The following RASGRF1 variants were observed in gnomAD, a reference collection of about 807,000 sequenced individuals.
RASGRF1 encodes the protein ras-specific guanine nucleotide-releasing factor 1.
RASGRF1 carries 40 observed loss-of-function variants against 138.7 expected under a neutral mutation model. The ratio of observed to expected loss-of-function variants is 0.29; its 90% CI spans 0.22 to 0.38. The LOEUF is 0.38. RASGRF1 is among the 10% of genes least tolerant of loss of function. RASGRF1 has a pLI of 1.00. For synonymous variants in RASGRF1, 614 were observed against 663.2 expected (o/e 0.93, Z 1.14); for missense variants, 1,108 against 1,650.4 (o/e 0.67, Z 5.69).
intron 3 of RASGRF1, among the ~76,000 whole-genome samples, chr15:79,053,746 GA>G (rs1172698077): frequency 6.6e-6 from 1 of 152,240 alleles, no homozygotes; most frequent in Admixed American, 6.5e-5. Context: ...GGCACAGAGG[GA>G]GAAGAGACGG....
chr15:79,061,004 T>C (rs1474242945), intron 2 of RASGRF1, among the ~76,000 whole-genome samples: 1 of 152,152 alleles, frequency 6.6e-6, no homozygotes, highest in Non-Finnish European at 1.5e-5. Context: ...GGGAGTTTTC[T>C]CTGCTGGTTG....
At chr15:79,009,134 A>G (rs533111857) in intron 13 of RASGRF1, among the ~76,000 whole-genome samples, 5 of 152,318 alleles carry the variant, frequency 3.3e-5, no homozygotes, top group South Asian at 2.1e-4. Flanking sequence ...GCATTTAAGC[A>G]GTGGGCTGAA....
At position 78,973,288 on chromosome 15, in the gene RASGRF1, C is replaced by T; in HGVS notation, c.3612+15G>A. The T allele has an allele frequency of 2.5e-6, 4 of 1,575,496 alleles. No individual in the cohort carries two copies. The highest frequency in any genetic ancestry group is 3.5e-6 in the Non-Finnish European group (4 of 1,150,094). On this transcript the variant is annotated intron_variant, in intron 25 of 26. Coordinates refer to ENST00000558480, the MANE Select transcript of RASGRF1 (RefSeq NM_001145648.3). This position sits in a 1 kb window ranked among gnomAD's most constrained non-coding sequence, Gnocchi z 4.9. ...TCAACGCCCCCCTTCCCCTGCCTGG[C>T]TGGGGGGAACGCACCATCCTCATCT...
In RASGRF1 at chr15:79,032,075, A is replaced by T. The variant is rs766586834; in HGVS notation, c.1152+48T>A. 3.2e-6 allele frequency: 5 copies of T among 1,577,708 alleles called. No homozygotes were observed. In the Admixed American group the frequency reaches 8.8e-5, roughly 28 times the overall value. Reference sequence around the variant, plus strand: ...CCCCCACCGCCATGGTCCATCCCCCACACCTGCCTCCCTGACTCTACCCCA... The same window carrying T: ...CCCCCACCGCCATGGTCCATCCCCCTCACCTGCCTCCCTGACTCTACCCCA... On this transcript the variant is annotated intron_variant, in intron 7 of 26. Coordinates refer to ENST00000558480, the MANE Select transcript of RASGRF1 (RefSeq NM_001145648.3). The surrounding 1 kb of genome is among the most constrained non-coding windows in gnomAD (Gnocchi z 4.5).
intron 5 of RASGRF1, among the ~76,000 whole-genome samples, chr15:79,040,057 A>C (rs2057276325): frequency 6.6e-6 from 1 of 152,188 alleles, no homozygotes; most frequent in Non-Finnish European, 1.5e-5. Flanking sequence ...CACTGTGCCC[A>C]GCCTGATTTT....
chr15:78,979,114 G>C (rs756132780), intron 24 of RASGRF1: 3 of 1,289,936 alleles, frequency 2.3e-6, no homozygotes, highest in South Asian at 1.2e-5. Context: ...ATGCACGGAG[G>C]GGGCAGCTCC....
chr15:79,000,041 C>G (rs1325907346), intron 16 of RASGRF1, 128 bp from the exon 17 acceptor site: 2 of 985,934 alleles, frequency 2.0e-6, no homozygotes, highest in African/African-American at 3.2e-5. Context: ...GGTACCAGGG[C>G]ATGTCGGGTG....
intron 2 of RASGRF1, among the ~76,000 whole-genome samples, chr15:79,058,849 CA>C (rs1262752030): frequency 6.6e-6 from 1 of 152,200 alleles, no homozygotes; most frequent in Non-Finnish European, 1.5e-5. Flanking sequence ...AAATGAATAT[CA>C]GGTTTTTAAG....
At chr15:79,064,819 G>A (rs944062834) in intron 1 of RASGRF1, among the ~76,000 whole-genome samples, 20 of 152,212 alleles carry the variant, frequency 1.3e-4, no homozygotes, top group African/African-American at 4.6e-4. Context: ...ATCATCAGGC[G>A]CGCTGGAGGG....
chr15:79,024,202 A>G (rs1292230723), intron 10 of RASGRF1, among the ~76,000 whole-genome samples: 1 of 151,810 alleles, frequency 6.6e-6, no homozygotes. Flanking sequence ...ATATAAACAT[A>G]CACGGATATA....
At position 79,027,147 on chromosome 15, in the gene RASGRF1, T is replaced by G. The variant is rs140833894; in HGVS notation, c.1381+594A>C. 1.3e-5 allele frequency among the ~76,000 whole-genome samples: 2 copies of G among 152,260 alleles called. No individual in the cohort carries two copies. Among genetic ancestry groups the G allele is most frequent in the African/African-American group, 4.8e-5 (2 of 41,542 alleles). On this transcript the variant is annotated intron_variant, in intron 9 of 26. Transcript: ENST00000558480. The surrounding 1 kb of genome is among the most constrained non-coding windows in gnomAD (Gnocchi z 4.8). ...TGAATGTGATGAATTTCAAATGCAT[T>G]GCAGTTCTGATGTCAGTCCCCTGAG...
rs780016995 is a variant in RASGRF1 at position 78,990,188 on chromosome 15, C to T, written c.3216+1G>A. The T allele has an allele frequency of 3.2e-6, 5 of 1,584,962 alleles. No homozygotes were observed. The highest frequency in any genetic ancestry group is 4.3e-6 in the Non-Finnish European group (5 of 1,153,466). ...AGAGAGGCGCTCCCATCCATACTCACGTCATTGAAGTGCTTAGTGGTTTTC... is the reference window on the plus strand; with the variant it reads ...AGAGAGGCGCTCCCATCCATACTCATGTCATTGAAGTGCTTAGTGGTTTTC... On this transcript the variant is annotated splice_donor_variant, in intron 22 of 26. Coordinates refer to ENST00000558480, the MANE Select transcript of RASGRF1 (RefSeq NM_001145648.3). LOFTEE classifies it high-confidence loss of function.
intron 10 of RASGRF1, among the ~76,000 whole-genome samples, chr15:79,024,845 A>G (rs1444638750): frequency 6.6e-6 from 1 of 151,100 alleles, no homozygotes; most frequent in Admixed American, 6.6e-5. Flanking sequence ...TAATACACAC[A>G]GAGAGATATA....
At chr15:78,985,277 C>G in intron 22 of RASGRF1, 73 bp from the exon 23 acceptor site, 1 of 1,386,768 alleles carries the variant, frequency 7.2e-7, no homozygotes, top group Non-Finnish European at 1.0e-6. Flanking sequence ...TCACTATTTG[C>G]AGATATGATT....
intron 22 of RASGRF1, among the ~76,000 whole-genome samples, chr15:78,988,105 G>A (rs1042101462): frequency 1.3e-5 from 2 of 152,208 alleles, no homozygotes; most frequent in African/African-American, 2.4e-5. Context: ...CGTTACAAGG[G>A]CAGCTTCTGA....
intron 11 of RASGRF1, 23 bp downstream of exon 11, chr15:79,020,018 G>A (rs144636737): frequency 3.1e-4 from 504 of 1,612,964 alleles, no homozygotes; most frequent in East Asian, 4.0e-4. Flanking sequence ...ACACACATGC[G>A]CACATGCAGC....
At chr15:79,029,738 G>A (rs567070804) in intron 8 of RASGRF1, among the ~76,000 whole-genome samples, 1 of 152,092 alleles carries the variant, frequency 6.6e-6, no homozygotes, top group Non-Finnish European at 1.5e-5. Flanking sequence ...AGAATTAAAG[G>A]GATGCTGTCA....
At chr15:79,047,326 C>T (rs183754489) in intron 4 of RASGRF1, among the ~76,000 whole-genome samples, 142 of 152,300 alleles carry the variant, frequency 9.3e-4, no homozygotes, top group African/African-American at 3.3e-3. Flanking sequence ...CCACCCCAGA[C>T]CTCTGCAGTT....
rs369835269 is a variant in RASGRF1, at chr15:79,086,597, G to A, written c.276+3626C>T. Among the ~76,000 whole-genome samples the A allele has an allele frequency of 1.3e-3, 201 of 151,732 alleles. 2 individuals carry two copies. The highest frequency in any genetic ancestry group is 3.3e-3 in the African/African-American group (135 of 41,346). The stretch of plus-strand genomic sequence containing the variant: ...AAGACCCCCCCCCCCCAGCTTCTGG[G>A]ACCTCCAACAACATCAGGTTCTGAG... On this transcript the variant is annotated intron_variant, in intron 1 of 26. Transcript: ENST00000558480.
Sources: allele counts gnomAD v4.1 joint callset (sites outside exome capture counted in the v4.1 genomes callset), GRCh38; gene constraint gnomAD v4.1.1; non-coding constraint Gnocchi (gnomAD v3.1); transcripts MANE v1.5; gene names NCBI Gene and HGNC (gene_info 2026-07-23, HGNC 2026-07-21).